ENTREP2: variants seen among roughly 807,000 people sequenced by gnomAD.
The protein encoded by ENTREP2 is protein ENTREP2.
At chr15:29,447,077 A>AG in the ENTREP2 span, among the ~76,000 whole-genome samples, 1 of 152,186 alleles carries the variant, frequency 6.6e-6, no homozygotes, top group African/African-American at 2.4e-5. Context: ...ATCTTTGTGG[A>AG]GGGGGGTCAC....
the ENTREP2 span, among the ~76,000 whole-genome samples, chr15:29,119,574 A>G: frequency 1.1e-4 from 3 of 27,068 alleles, 1 homozygote; most frequent in East Asian, 4.5e-3. Flanking sequence ...CAATGTGCAC[A>G]TGTACCCTAA....
chr15:29,455,763 C>G, the ENTREP2 span, among the ~76,000 whole-genome samples: 17 of 152,208 alleles, frequency 1.1e-4, no homozygotes, highest in Non-Finnish European at 2.1e-4. Flanking sequence ...GTATTTACAG[C>G]TGCTCCCCAC....
the ENTREP2 span, among the ~76,000 whole-genome samples, chr15:29,657,292 C>T: frequency 6.6e-6 from 1 of 151,824 alleles, no homozygotes; most frequent in Non-Finnish European, 1.5e-5. Context: ...AATCTCTCGA[C>T]CTCCTGATCC....
the ENTREP2 span, among the ~76,000 whole-genome samples, chr15:29,450,779 C>T: frequency 3.9e-5 from 6 of 152,136 alleles, no homozygotes; most frequent in Admixed American, 1.3e-4. Context: ...GAATATGATG[C>T]GGCCATTAAA....
chr15:29,189,912 A>G, the ENTREP2 span, among the ~76,000 whole-genome samples: 1 of 152,222 alleles, frequency 6.6e-6, no homozygotes, highest in African/African-American at 2.4e-5. Context: ...GGGGGTCTGT[A>G]GCCTTGCTTT....
the ENTREP2 span, among the ~76,000 whole-genome samples, chr15:29,501,083 A>G: frequency 6.6e-6 from 1 of 152,114 alleles, no homozygotes; most frequent in African/African-American, 2.4e-5. Flanking sequence ...CAATGAGGAA[A>G]GCCTCGACCA....
At chr15:29,417,412 G>A in the ENTREP2 span, among the ~76,000 whole-genome samples, 7 of 152,086 alleles carry the variant, frequency 4.6e-5, no homozygotes, top group Non-Finnish European at 7.4e-5. Context: ...ACCAAACACC[G>A]CATGTTCTCA....
the ENTREP2 span, among the ~76,000 whole-genome samples, chr15:29,659,424 T>G: frequency 6.6e-6 from 1 of 152,066 alleles, no homozygotes; most frequent in Admixed American, 6.6e-5. Context: ...TGAGCCGAGA[T>G]CACGCCATTG....
At chr15:29,158,191 G>C in the ENTREP2 span, among the ~76,000 whole-genome samples, 11 of 152,254 alleles carry the variant, frequency 7.2e-5, no homozygotes, top group Admixed American at 5.9e-4. Flanking sequence ...CTCACAGACA[G>C]AAACACCAAC....
At chr15:29,566,127 T>G in the ENTREP2 span, among the ~76,000 whole-genome samples, 1 of 152,000 alleles carries the variant, frequency 6.6e-6, no homozygotes, top group Admixed American at 6.6e-5. Context: ...ACATTGTTTG[T>G]GTGTATGTGT....
the ENTREP2 span, among the ~76,000 whole-genome samples, chr15:29,645,172 G>T: frequency 3.9e-5 from 6 of 152,178 alleles, no homozygotes; most frequent in African/African-American, 1.4e-4. Context: ...GAAAAGAAAA[G>T]AAATCCATGG....
At chr15:29,334,205 A>G in the ENTREP2 span, among the ~76,000 whole-genome samples, 1 of 152,212 alleles carries the variant, frequency 6.6e-6, no homozygotes, top group Non-Finnish European at 1.5e-5. Context: ...TGTTCCAGCA[A>G]CTTCCCCGGG....
the ENTREP2 span, among the ~76,000 whole-genome samples, chr15:29,446,392 T>G: frequency 6.6e-6 from 1 of 152,284 alleles, no homozygotes; most frequent in Middle Eastern, 3.4e-3. Context: ...AAGGTTTTTT[T>G]TTCCTGGAAC....
the ENTREP2 span, among the ~76,000 whole-genome samples, chr15:29,202,718 G>C: frequency 5.9e-5 from 9 of 152,126 alleles, no homozygotes; most frequent in African/African-American, 2.2e-4. Flanking sequence ...TCCTACTTAT[G>C]AGTGAGAACA....
chr15:29,576,839 G>A, the ENTREP2 span, among the ~76,000 whole-genome samples: 2 of 152,118 alleles, frequency 1.3e-5, no homozygotes, highest in African/African-American at 2.4e-5. Flanking sequence ...ACGGAGTCTC[G>A]CTCTGTCACC....
At chr15:29,544,694 T>C in the ENTREP2 span, among the ~76,000 whole-genome samples, 4 of 152,144 alleles carry the variant, frequency 2.6e-5, no homozygotes, top group African/African-American at 9.7e-5. Context: ...AGGTGCTACA[T>C]CTGCCTCAGA....
chr15:29,469,878 G>T, the ENTREP2 span, among the ~76,000 whole-genome samples: 1 of 152,136 alleles, frequency 6.6e-6, no homozygotes, highest in Non-Finnish European at 1.5e-5. Context: ...GATTAAAGTT[G>T]TAAACTGCCA....
the ENTREP2 span, among the ~76,000 whole-genome samples, chr15:29,609,023 C>G: frequency 4.4e-5 from 6 of 135,974 alleles, no homozygotes; most frequent in Middle Eastern, 3.8e-3. Context: ...TGCCTCACCC[C>G]CTTGCTTTCT....
chr15:29,238,826 T>C, the ENTREP2 span, among the ~76,000 whole-genome samples: 1 of 151,966 alleles, frequency 6.6e-6, no homozygotes, highest in African/African-American at 2.4e-5. Context: ...TTTAAACAAC[T>C]AGATCTCATG....
Sources: gnomAD v4.1 joint callset for allele counts (sites outside exome capture counted in the v4.1 genomes callset) on GRCh38, gnomAD v4.1.1 for gene constraint, MANE v1.5 for transcripts, NCBI Gene and HGNC (gene_info 2026-07-23, HGNC 2026-07-21) for gene names.